The following ULK4 variants were observed in gnomAD, a reference collection of about 807,000 sequenced individuals.
ULK4 encodes unc-51 like kinase 4.
In ULK4, 133 loss-of-function variants were observed where a neutral mutation model predicts 160.6. The ratio of observed to expected loss-of-function variants is 0.83; its 90% CI spans 0.72 to 0.96. ULK4 has a LOEUF of 0.96. Ranked by LOEUF, ULK4 falls within the 40% of genes least tolerant of loss-of-function variation. The pLI is 0.00. For missense variants in ULK4, 1,580 were observed against 1,499.5 expected (o/e 1.05, Z -0.89); for synonymous variants, 534 against 539.8 (o/e 0.99, Z 0.15).
At chr3:41,328,856 G>A (rs1230061705) in intron 35 of ULK4, among the ~76,000 whole-genome samples, 1 of 151,984 alleles carries the variant, frequency 6.6e-6, no homozygotes, top group Non-Finnish European at 1.5e-5. Context: ...GTTCTTATGT[G>A]GGTTCAGACA....
chr3:41,644,758 A>C (rs2034402075), intron 30 of ULK4, among the ~76,000 whole-genome samples: 1 of 150,958 alleles, frequency 6.6e-6, no homozygotes, highest in African/African-American at 2.4e-5. Flanking sequence ...GAATAGTTTC[A>C]GAAGGAATGG....
At chr3:41,310,731 G>C (rs571371723) in intron 35 of ULK4, among the ~76,000 whole-genome samples, 2 of 152,038 alleles carry the variant, frequency 1.3e-5, no homozygotes, top group African/African-American at 2.4e-5. Flanking sequence ...AGTGGCTCAC[G>C]CCTGTAATCC....
chr3:41,756,510 A>T (rs2038808484), intron 21 of ULK4, among the ~76,000 whole-genome samples: 1 of 152,154 alleles, frequency 6.6e-6, no homozygotes, highest in Admixed American at 6.5e-5. Context: ...TACCCTCAAC[A>T]CTCACCATGA....
At chr3:41,585,135 T>A (rs1364716194) in intron 31 of ULK4, among the ~76,000 whole-genome samples, 1 of 152,084 alleles carries the variant, frequency 6.6e-6, no homozygotes. Context: ...AAAATTCCAA[T>A]GGCATGTTTT....
At chr3:41,691,759 G>A (rs1431887885) in intron 27 of ULK4, among the ~76,000 whole-genome samples, 1 of 151,696 alleles carries the variant, frequency 6.6e-6, no homozygotes, top group African/African-American at 2.4e-5. Flanking sequence ...GATTAATCAT[G>A]TTACAGGATG....
At chr3:41,666,214 A>G (rs1156635431) in intron 29 of ULK4, among the ~76,000 whole-genome samples, 2 of 152,172 alleles carry the variant, frequency 1.3e-5, no homozygotes, top group Non-Finnish European at 2.9e-5. Context: ...CCCAGTCTCT[A>G]GCTCCTCCAG....
At chr3:41,286,790 A>G (rs551127719) in intron 35 of ULK4, among the ~76,000 whole-genome samples, 4 of 152,120 alleles carry the variant, frequency 2.6e-5, no homozygotes, top group Non-Finnish European at 5.9e-5. Context: ...TCCTCTCTCC[A>G]TGCACCATTC....
At position 41,835,948 on chromosome 3, in the gene ULK4, T is replaced by G; in HGVS notation, c.1680A>C (p.Leu560Phe). Residue 560 changes from leucine (L) to phenylalanine (F), a missense_variant, in exon 18 of 37, where the codon TTA becomes TTC. Transcript: ENST00000301831. ...TGCTGTTCCTGAAGTTTTCCCTAAT[T>G]AATTCAGTTAAGAGAACAATTGCCT... ...VVEAIVLLTE[L>F]IRENFRNSKL... 1 of 1,606,754 alleles carries G rather than the reference T, an allele frequency of 6.2e-7. No individual in the cohort carries two copies. The highest frequency in any genetic ancestry group is 8.5e-7 in the Non-Finnish European group (1 of 1,176,798).
At chr3:41,543,063 TTTTGCCCAAAGCAAGTAA>T (rs1193075997) in intron 32 of ULK4, among the ~76,000 whole-genome samples, 1 of 152,070 alleles carries the variant, frequency 6.6e-6, no homozygotes, top group Non-Finnish European at 1.5e-5. Context: ...AGGAGCAGAA[TTTTGCCCAAAGCAAGTAA>T]TATTTTTCCC....
chr3:41,372,990 C>G (rs1258141125), intron 35 of ULK4, among the ~76,000 whole-genome samples: 1 of 152,064 alleles, frequency 6.6e-6, no homozygotes, highest in Non-Finnish European at 1.5e-5. Context: ...GGTTGCAATC[C>G]TAGTCTCTGA....
intron 35 of ULK4, among the ~76,000 whole-genome samples, chr3:41,269,671 T>G (rs571459355): frequency 6.6e-6 from 1 of 152,206 alleles, no homozygotes; most frequent in African/African-American, 2.4e-5. Flanking sequence ...CAAATTATTA[T>G]ATAGATTATC....
chr3:41,743,442 C>T (rs2038307804), intron 22 of ULK4, among the ~76,000 whole-genome samples: 1 of 151,288 alleles, frequency 6.6e-6, no homozygotes, highest in African/African-American at 2.4e-5. Context: ...AGCAAACATA[C>T]CCTTAAAAAA....
intron 16 of ULK4, among the ~76,000 whole-genome samples, chr3:41,891,631 G>T (rs115931935): frequency 6.6e-6 from 1 of 152,166 alleles, no homozygotes; most frequent in East Asian, 1.9e-4. Context: ...TAACAGCCAG[G>T]CGCGGTGGCT....
rs373523530 is a variant in ULK4, at chr3:41,453,866, T to C, written c.3492+1631A>G. Among the ~76,000 whole-genome samples, 715 of 152,102 alleles carry C rather than the reference T, an allele frequency of 4.7e-3. 7 individuals are homozygous for C. The highest frequency in any genetic ancestry group is 0.012 in the African/African-American group (509 of 41,494). On this transcript the variant is annotated intron_variant, in intron 34 of 36. Transcript: ENST00000301831. ...GCAGCCATAAAAAAGGATGAGTTCA[T>C]GTCCTTTGTAGGGACATGGATGAAG...
In ULK4 at chr3:41,784,743, A is replaced by G. The variant is rs150799955; in HGVS notation, c.2193+4918T>C. 2.5e-3 allele frequency among the ~76,000 whole-genome samples: 375 copies of G among 152,350 alleles called. 1 individual carries two copies. The highest frequency in any genetic ancestry group is 0.017 in the Middle Eastern group (5 of 294). ...ACTGACACCCAAGTAGCTAATGCAG[A>G]TGACAATGTGAACTGAACAAGTTCC... On this transcript the variant is annotated intron_variant, in intron 21 of 36. Coordinates refer to ENST00000301831, the MANE Select transcript of ULK4 (RefSeq NM_017886.4).
chr3:41,863,697 G>A (rs2042556133), intron 17 of ULK4, among the ~76,000 whole-genome samples: 3 of 151,592 alleles, frequency 2.0e-5, no homozygotes, highest in Non-Finnish European at 4.4e-5. Context: ...TTCCCTCAAG[G>A]TAACAGTTTC....
At chr3:41,610,743 T>C (rs2032635934) in intron 31 of ULK4, among the ~76,000 whole-genome samples, 1 of 152,240 alleles carries the variant, frequency 6.6e-6, no homozygotes, top group Non-Finnish European at 1.5e-5. Flanking sequence ...ATTGTTAACA[T>C]TTGCCACTGA....
chr3:41,558,713 A>G (rs1259867765), intron 32 of ULK4, among the ~76,000 whole-genome samples: 1 of 151,138 alleles, frequency 6.6e-6, no homozygotes, highest in East Asian at 2.0e-4. Flanking sequence ...CAAAAAAAAA[A>G]GAAAAGAAAA....
intron 29 of ULK4, among the ~76,000 whole-genome samples, chr3:41,664,568 C>T (rs762127438): frequency 6.6e-6 from 1 of 152,076 alleles, no homozygotes; most frequent in Non-Finnish European, 1.5e-5. Flanking sequence ...ATCAAAATTC[C>T]AGATTCCCGG....
Sources: gnomAD v4.1 joint callset for allele counts (sites outside exome capture counted in the v4.1 genomes callset) on GRCh38, gnomAD v4.1.1 for gene constraint, MANE v1.5 for transcripts, NCBI Gene and HGNC (gene_info 2026-07-23, HGNC 2026-07-21) for gene names.